RORB: variants seen among roughly 807,000 people sequenced by gnomAD.
The protein encoded by RORB is nuclear receptor ROR-beta.
A neutral mutation model predicts 59.1 loss-of-function variants in RORB; 6 were observed. That is an observed-to-expected ratio of 0.10 (90% CI 0.06 to 0.20). The LOEUF (loss-of-function observed/expected upper bound fraction) is 0.20, where lower values mean the gene tolerates loss of function less well. Ranked by LOEUF, RORB falls within the 10% of genes least tolerant of loss-of-function variation. The pLI is 1.00. For synonymous variants in RORB, 215 were observed against 204.5 expected (o/e 1.05, Z -0.44); for missense variants, 320 against 560.5 (o/e 0.57, Z 4.33).
At chr9:74,645,421 C>T (rs1401127124) in intron 4 of RORB, among the ~76,000 whole-genome samples, 1 of 152,128 alleles carries the variant, frequency 6.6e-6, no homozygotes, top group African/African-American at 2.4e-5. Flanking sequence ...GTCAAAGTGC[C>T]TGCATTTAAA....
intron 1 of RORB, among the ~76,000 whole-genome samples, chr9:74,501,480 T>C (rs1286330174): frequency 6.6e-6 from 1 of 151,836 alleles, no homozygotes; most frequent in South Asian, 2.1e-4. Context: ...CTCCCGCAAT[T>C]AAAAAAAACA....
At chr9:74,671,641 C>G in intron 8 of RORB, 148 bp from the exon 9 acceptor site, 1 of 502,334 alleles carries the variant, frequency 2.0e-6, no homozygotes, top group Non-Finnish European at 3.6e-6. Context: ...CTATGAAATA[C>G]TTATGTTTTA....
chr9:74,587,279 G>A (rs774541021), intron 1 of RORB, among the ~76,000 whole-genome samples: 16 of 152,036 alleles, frequency 1.1e-4, no homozygotes, highest in Non-Finnish European at 1.8e-4. Flanking sequence ...TGGAATATGC[G>A]AAATTCTTTA....
At chr9:74,600,110 C>G (rs983416025) in intron 1 of RORB, among the ~76,000 whole-genome samples, 1 of 152,200 alleles carries the variant, frequency 6.6e-6, no homozygotes, top group African/African-American at 2.4e-5. Flanking sequence ...CTGGACATGT[C>G]CCTCTCCCCA....
rs934403248 is a variant in RORB, at chr9:74,689,541, C to A, written c.*3923C>A. On this transcript the variant is annotated 3_prime_UTR_variant, in exon 10 of 10. Coordinates refer to ENST00000376896, the MANE Select transcript of RORB (RefSeq NM_006914.4). ...TAAAGTACCTCTGAGTAGGTAAAATCAGAGAATATAACGATCTCCTGAGTG... is the reference window on the plus strand; with the variant it reads ...TAAAGTACCTCTGAGTAGGTAAAATAAGAGAATATAACGATCTCCTGAGTG... 3.3e-5 allele frequency: 5 copies of A among 152,194 alleles called. No individual in the cohort carries two copies. Among genetic ancestry groups the A allele is most frequent in the Admixed American group, 1.3e-4 (2 of 15,286 alleles). The allele number at this position is 152,194 out of a possible 1,614,324, so 9.4% of individuals were successfully genotyped here. A position where few individuals can be genotyped will look rare whatever the true frequency, so the allele number is the denominator to read the frequency against.
chr9:74,683,886 A>G (rs964566058), intron 9 of RORB, among the ~76,000 whole-genome samples: 2 of 152,224 alleles, frequency 1.3e-5, no homozygotes, highest in Non-Finnish European at 2.9e-5. Context: ...TCTGGTGTTT[A>G]GCCAAGTGCC....
intron 1 of RORB, among the ~76,000 whole-genome samples, chr9:74,538,020 C>A (rs761589533): frequency 6.6e-6 from 1 of 152,134 alleles, no homozygotes; most frequent in Middle Eastern, 3.4e-3. Context: ...TATAGGTGTA[C>A]CACTTTTATC....
At chr9:74,568,609 A>G (rs1822502792) in intron 1 of RORB, among the ~76,000 whole-genome samples, 1 of 151,448 alleles carries the variant, frequency 6.6e-6, no homozygotes, top group Non-Finnish European at 1.5e-5. Flanking sequence ...CTGAGGCAGG[A>G]GAATCACTTG....
At chr9:74,567,122 G>A (rs966590279) in intron 1 of RORB, among the ~76,000 whole-genome samples, 1 of 151,748 alleles carries the variant, frequency 6.6e-6, no homozygotes, top group East Asian at 1.9e-4. Flanking sequence ...CTGCCTCCCG[G>A]GTTCAAGGGA....
At chr9:74,510,010 C>T (rs1201630919) in intron 1 of RORB, among the ~76,000 whole-genome samples, 2 of 152,094 alleles carry the variant, frequency 1.3e-5, no homozygotes, top group Non-Finnish European at 1.5e-5. Context: ...TTTATGCTTT[C>T]AAATGAAGTT....
At chr9:74,540,536 T>C (rs1300633299) in intron 1 of RORB, among the ~76,000 whole-genome samples, 2 of 152,212 alleles carry the variant, frequency 1.3e-5, no homozygotes, top group Non-Finnish European at 2.9e-5. Flanking sequence ...AGAAAATATA[T>C]TCGTAACTTC....
chr9:74,500,134 G>A (rs1337204381), intron 1 of RORB, among the ~76,000 whole-genome samples: 1 of 152,150 alleles, frequency 6.6e-6, no homozygotes, highest in Non-Finnish European at 1.5e-5. Flanking sequence ...CGCCAGCCTC[G>A]CCAGGCGCCC....
chr9:74,579,888 G>A (rs1339309851), intron 1 of RORB, among the ~76,000 whole-genome samples: 1 of 152,050 alleles, frequency 6.6e-6, no homozygotes, highest in East Asian at 1.9e-4. Flanking sequence ...TCTTATCCAC[G>A]GTTTCGCCTT....
chr9:74,572,339 C>G (rs185840396), intron 1 of RORB, among the ~76,000 whole-genome samples: 17 of 152,014 alleles, frequency 1.1e-4, no homozygotes, highest in Admixed American at 3.3e-4. Context: ...AAATATAATC[C>G]TTATTTGACT....
At chr9:74,544,047 T>G (rs992557789) in intron 1 of RORB, among the ~76,000 whole-genome samples, 2 of 152,176 alleles carry the variant, frequency 1.3e-5, no homozygotes, top group Non-Finnish European at 2.9e-5. Flanking sequence ...TACCAGTGAC[T>G]CTCTTTGGTG....
chr9:74,572,016 T>A (rs1021272660), intron 1 of RORB, among the ~76,000 whole-genome samples: 1 of 152,116 alleles, frequency 6.6e-6, no homozygotes, highest in Admixed American at 6.6e-5. Context: ...GAACTTTCTT[T>A]CTCTACCTGG....
intron 9 of RORB, among the ~76,000 whole-genome samples, chr9:74,679,022 ACT>A (rs1358572558): frequency 4.9e-5 from 7 of 141,526 alleles, no homozygotes; most frequent in Admixed American, 1.4e-4. Flanking sequence ...ACAGAACAAG[ACT>A]CTGTCTCAAA....
chr9:74,535,013 G>A (rs928486020), intron 1 of RORB, among the ~76,000 whole-genome samples: 3 of 152,002 alleles, frequency 2.0e-5, no homozygotes, highest in South Asian at 4.2e-4. Flanking sequence ...ATAGATCAGC[G>A]GGCTCTGTAA....
chr9:74,675,516 T>C (rs1329815471), intron 9 of RORB, among the ~76,000 whole-genome samples: 1 of 152,136 alleles, frequency 6.6e-6, no homozygotes, highest in Admixed American at 6.6e-5. Context: ...CCTGACATCT[T>C]GTGTTGCCTT....
Sources: allele counts gnomAD v4.1 joint callset (sites outside exome capture counted in the v4.1 genomes callset), GRCh38; gene constraint gnomAD v4.1.1; transcripts MANE v1.5; gene names NCBI Gene and HGNC (gene_info 2026-07-23, HGNC 2026-07-21).